CENPP: variants seen among roughly 807,000 people sequenced by gnomAD.
The protein encoded by CENPP is centromere protein P.
A neutral mutation model predicts 35.6 loss-of-function variants in CENPP; 24 were observed. That is an observed-to-expected ratio of 0.67 (90% CI 0.49 to 0.95). The LOEUF (loss-of-function observed/expected upper bound fraction) is 0.95. Ranked by LOEUF, CENPP falls within the 40% of genes least tolerant of loss-of-function variation. The pLI, the probability that CENPP is intolerant of heterozygous loss-of-function variation, is 0.00. For missense variants in CENPP, 332 were observed against 345.3 expected, an observed-to-expected ratio of 0.96 and a Z score of 0.31; for synonymous variants, 120 against 125.5, an observed-to-expected ratio of 0.96 and a Z score of 0.29.
intron 5 of CENPP, among the ~76,000 whole-genome samples, chr9:92,475,909 C>A (rs920965793): frequency 6.6e-6 from 1 of 152,174 alleles, no homozygotes; most frequent in Non-Finnish European, 1.5e-5. Flanking sequence ...CAGAACTATA[C>A]AAATGAGAAC....
intron 4 of CENPP, among the ~76,000 whole-genome samples, chr9:92,352,525 A>G (rs1482350176): frequency 8.6e-6 from 1 of 116,494 alleles, no homozygotes; most frequent in Middle Eastern, 4.1e-3. Context: ...ATATATATAT[A>G]TATATATATA....
At chr9:92,587,007 GC>G (rs1261182156) in intron 5 of CENPP, among the ~76,000 whole-genome samples, 1 of 150,946 alleles carries the variant, frequency 6.6e-6, no homozygotes, top group East Asian at 2.0e-4. Flanking sequence ...GGGGGCGGGG[GC>G]GGGGGCACAT....
chr9:92,448,415 G>A (rs1377605770), intron 5 of CENPP, among the ~76,000 whole-genome samples: 1 of 151,960 alleles, frequency 6.6e-6, no homozygotes, highest in African/African-American at 2.4e-5. Context: ...GATTACAGGT[G>A]CCCACCACTA....
chr9:92,463,199 A>G (rs1845180980), intron 5 of CENPP, among the ~76,000 whole-genome samples: 1 of 152,244 alleles, frequency 6.6e-6, no homozygotes. Flanking sequence ...CGAATAGGAA[A>G]GAAGACATTT....
At chr9:92,545,407 AGGGTGCGTC>A (rs1215324604) in intron 5 of CENPP, among the ~76,000 whole-genome samples, 16 of 152,098 alleles carry the variant, frequency 1.1e-4, no homozygotes, top group African/African-American at 3.9e-4. Flanking sequence ...GCAGCTGCGG[AGGGTGCGTC>A]GGGTACCCCA....
At chr9:92,600,162 CAT>C (rs1369850112) in intron 5 of CENPP, 11 of 678,470 alleles carry the variant, frequency 1.6e-5, no homozygotes, top group African/African-American at 3.6e-5. Context: ...GTAATTTTCA[CAT>C]GTCACGAAAT....
chr9:92,459,813 A>G, intron 5 of CENPP: 1 of 1,592,200 alleles, frequency 6.3e-7, no homozygotes, highest in Middle Eastern at 1.7e-4. Flanking sequence ...ACAGATGGTT[A>G]GGTGTGATAG....
At chr9:92,453,149 A>G (rs1317586891) in intron 5 of CENPP, among the ~76,000 whole-genome samples, 1 of 151,262 alleles carries the variant, frequency 6.6e-6, no homozygotes, top group East Asian at 1.9e-4. Flanking sequence ...TAGCTTTTGA[A>G]TGTGTTTGCT....
chr9:92,529,598 T>G (rs1848624894), intron 5 of CENPP, among the ~76,000 whole-genome samples: 1 of 152,112 alleles, frequency 6.6e-6, no homozygotes, highest in African/African-American at 2.4e-5. Flanking sequence ...CTATGGTATA[T>G]TCAGACAATG....
chr9:92,619,543 A>G lies in CENPP; in HGVS notation c.*6394A>G. 6.3e-7 allele frequency: 1 copy of G among 1,589,732 alleles called. No homozygotes were observed. Among genetic ancestry groups the G allele is most frequent in the Non-Finnish European group, 8.6e-7 (1 of 1,168,402 alleles). The stretch of plus-strand genomic sequence containing the variant: ...CATGATGGAGCAGTCCTTGGCAGTC[A>G]TGGCGACGCGGTACTGCTGCACCTG... On this transcript the variant is annotated 3_prime_UTR_variant, in exon 8 of 8. Coordinates refer to ENST00000375587, the MANE Select transcript of CENPP (RefSeq NM_001012267.3).
intron 4 of CENPP, among the ~76,000 whole-genome samples, chr9:92,348,396 T>G (rs1841356407): frequency 1.3e-5 from 2 of 150,896 alleles, no homozygotes; most frequent in Admixed American, 1.3e-4. Flanking sequence ...CCTATAACTT[T>G]TTTTTTTTTT....
intron 5 of CENPP, chr9:92,403,300 A>T (rs909387888): frequency 3.7e-6 from 6 of 1,612,260 alleles, no homozygotes; most frequent in Non-Finnish European, 5.1e-6. Context: ...CTTCAAAATT[A>T]TCTGTTCCAT....
chr9:92,551,928 T>TATATATATATATATATATATATG (rs1849598105), intron 5 of CENPP, among the ~76,000 whole-genome samples: 1 of 53,512 alleles, frequency 1.9e-5, no homozygotes, highest in African/African-American at 1.0e-4. Context: ...TGTGTGTGTA[T>TATATATATATATATATATATATG]ATATATATAT....
chr9:92,417,332 A>G (rs1440580614), intron 5 of CENPP: 6 of 1,614,042 alleles, frequency 3.7e-6, no homozygotes, highest in South Asian at 2.2e-5. Flanking sequence ...ATCACAGTAC[A>G]TTGATGATGG....
chr9:92,608,507 T>TA (rs1851143912), intron 5 of CENPP, among the ~76,000 whole-genome samples: 1 of 152,200 alleles, frequency 6.6e-6, no homozygotes. Flanking sequence ...GTGCTGACCG[T>TA]AGGCCTAATG....
At chr9:92,378,412 A>G (rs561925078) in intron 4 of CENPP, among the ~76,000 whole-genome samples, 1 of 152,164 alleles carries the variant, frequency 6.6e-6, no homozygotes, top group Non-Finnish European at 1.5e-5. Flanking sequence ...TCTGGGTTGC[A>G]GTTTGCTCCT....
chr9:92,554,474 C>A (rs964134178), intron 5 of CENPP, among the ~76,000 whole-genome samples: 1 of 152,192 alleles, frequency 6.6e-6, no homozygotes, highest in African/African-American at 2.4e-5. Context: ...TGAGCCACTG[C>A]GCCCTGCTTT....
At chr9:92,457,496 A>C in intron 5 of CENPP, 1 of 1,574,566 alleles carries the variant, frequency 6.4e-7, no homozygotes, top group Non-Finnish European at 8.7e-7. Flanking sequence ...CTGTTGTAGT[A>C]GGAAAAAAGA....
chr9:92,596,445 C>CAAAAAAAAAAAAA (rs60383394), intron 5 of CENPP, among the ~76,000 whole-genome samples: 2 of 71,998 alleles, frequency 2.8e-5, no homozygotes, highest in Non-Finnish European at 2.5e-5. Flanking sequence ...GACCCTGTGT[C>CAAAAAAAAAAAAA]AAAAAAAAAA....
Sources: allele counts gnomAD v4.1 joint callset (sites outside exome capture counted in the v4.1 genomes callset), GRCh38; gene constraint gnomAD v4.1.1; transcripts MANE v1.5; gene names NCBI Gene and HGNC (gene_info 2026-07-23, HGNC 2026-07-21).